TMEM132B: variants seen among roughly 807,000 people sequenced by gnomAD.
TMEM132B encodes transmembrane protein 132B.
Under a neutral mutation model 90.8 loss-of-function variants are expected in TMEM132B, and 18 were observed. The observed-to-expected ratio is 0.20, with a 90% CI of 0.14 to 0.29. The LOEUF (loss-of-function observed/expected upper bound fraction) is 0.29. TMEM132B is among the 10% of genes least tolerant of loss of function. The pLI is 1.00. For missense variants in TMEM132B, 1,096 were observed against 1,326.8 expected (o/e 0.83, Z 2.70); for synonymous variants, 504 against 523.3 (o/e 0.96, Z 0.50).
In TMEM132B at chr12:125,649,868, G is replaced by T. The variant is rs151338172; in HGVS notation, c.1644-815G>T. ...GACAGGTGGAGGTTAGAGGATAACA[G>T]GTGCCAGGGAGAGAGGAAGGGTCAG... On this transcript the variant is annotated intron_variant, in intron 6 of 8. Coordinates refer to ENST00000682704, the MANE Select transcript of TMEM132B (RefSeq NM_001366854.1). Among the ~76,000 whole-genome samples the T allele has an allele frequency of 6.3e-3, 952 of 152,316 alleles. 12 individuals carry two copies. The highest frequency in any genetic ancestry group is 0.022 in the African/African-American group (899 of 41,556).
rs560983374 is a variant in TMEM132B, at chr12:125,238,625, G to A, written c.67+51759G>A. ...TCAATTTTTGAGAAACATTTTGTTC[G>A]GAAAGCTCCGAAGGCCAGAGAAATG... On this transcript the variant is annotated intron_variant, in intron 1 of 8. Coordinates refer to ENST00000682704, the MANE Select transcript of TMEM132B (RefSeq NM_001366854.1). Among the ~76,000 whole-genome samples, 62 of 152,252 alleles carry A rather than the reference G, an allele frequency of 4.1e-4. No individual in the cohort carries two copies. The South Asian group carries it at 1.0e-2, about 24-fold the overall frequency.
At chr12:125,373,969 A>G (rs1191264051) in intron 2 of TMEM132B, among the ~76,000 whole-genome samples, 1 of 151,984 alleles carries the variant, frequency 6.6e-6, no homozygotes, top group African/African-American at 2.4e-5. Context: ...TAATTTTTCT[A>G]TTTTTAGTAG....
intron 4 of TMEM132B, among the ~76,000 whole-genome samples, chr12:125,562,461 G>T (rs988479066): frequency 6.6e-6 from 1 of 152,214 alleles, no homozygotes; most frequent in African/African-American, 2.4e-5. Flanking sequence ...TGGTGCCAAA[G>T]GCCTCTCTTT....
At chr12:125,327,043 CT>C (rs1435503373) in intron 1 of TMEM132B, among the ~76,000 whole-genome samples, 1 of 152,072 alleles carries the variant, frequency 6.6e-6, no homozygotes, top group African/African-American at 2.4e-5. Flanking sequence ...GGCTTGCCCC[CT>C]GCTAGACCTT....
intron 1 of TMEM132B, among the ~76,000 whole-genome samples, chr12:125,193,766 T>G (rs558186860): frequency 1.3e-5 from 2 of 152,210 alleles, no homozygotes; most frequent in African/African-American, 4.8e-5. Context: ...GGCTAAGCAC[T>G]TGGGACACAG....
chr12:125,238,367 AAAAAAAAAACAAAAAAAAAC>A (rs749146200), intron 1 of TMEM132B, among the ~76,000 whole-genome samples: 790 of 71,540 alleles, frequency 0.011, 11 homozygotes, highest in Middle Eastern at 0.039. Context: ...AAAAAAAACC[AAAAAAAAAACAAAAAAAAAC>A]CAAAAAAACA....
chr12:125,421,713 A>G (rs438658), intron 3 of TMEM132B, among the ~76,000 whole-genome samples: 6,151 of 152,328 alleles, frequency 0.04, 423 homozygotes, highest in African/African-American at 0.14. Context: ...GGGAAAGGTC[A>G]TCCTTTTAAT....
At chr12:125,201,975 C>T (rs1873073707) in intron 1 of TMEM132B, among the ~76,000 whole-genome samples, 1 of 152,218 alleles carries the variant, frequency 6.6e-6, no homozygotes, top group Admixed American at 6.5e-5. Flanking sequence ...ACCCTGGTGT[C>T]ACACCCTCAT....
At chr12:125,510,847 A>G (rs1178086733) in intron 3 of TMEM132B, among the ~76,000 whole-genome samples, 1 of 152,208 alleles carries the variant, frequency 6.6e-6, no homozygotes, top group Non-Finnish European at 1.5e-5. Flanking sequence ...GTATTATACC[A>G]TTCATATACA....
chr12:125,583,985 T>C lies in TMEM132B; in HGVS notation c.1428T>C (p.Asp476=), dbSNP rs2136870053. The change falls in exon 5 of 9, where the codon GAT becomes GAC. Residue 476 remains aspartate (D), a synonymous_variant. Coordinates refer to ENST00000682704, the MANE Select transcript of TMEM132B (RefSeq NM_001366854.1). The part of the protein sequence containing the change: ...ESVECKSADE[D]VIKVSNNCDS... Reference sequence around the variant, plus strand: ...TGGAATGCAAGTCTGCCGATGAAGATGTCATTAAGGTAAGGGGGGATTTAT... The same window carrying C: ...TGGAATGCAAGTCTGCCGATGAAGACGTCATTAAGGTAAGGGGGGATTTAT... 4 of 1,614,184 alleles carry C rather than the reference T, an allele frequency of 2.5e-6. No individual in the cohort carries two copies. Among genetic ancestry groups the C allele is most frequent in the Non-Finnish European group, 3.4e-6 (4 of 1,180,030 alleles).
intron 2 of TMEM132B, among the ~76,000 whole-genome samples, chr12:125,411,576 G>A (rs1324038475): frequency 6.6e-6 from 1 of 152,056 alleles, no homozygotes; most frequent in Non-Finnish European, 1.5e-5. Context: ...AACCTCTAGG[G>A]TACGTGTGAG....
At chr12:125,515,539 TCA>T (rs560956277) in intron 3 of TMEM132B, among the ~76,000 whole-genome samples, 6 of 147,092 alleles carry the variant, frequency 4.1e-5, no homozygotes, top group East Asian at 4.2e-4. Flanking sequence ...ATTCTCACGC[TCA>T]CACACATTCA....
chr12:125,378,457 G>GT (rs1174965777), intron 2 of TMEM132B, among the ~76,000 whole-genome samples: 16 of 152,234 alleles, frequency 1.1e-4, no homozygotes, highest in Non-Finnish European at 1.9e-4. Flanking sequence ...GGAGGTAGCT[G>GT]TTCTCTGGGC....
At position 125,566,019 on chromosome 12, in the gene TMEM132B, G is replaced by A. The variant is rs577335191; in HGVS notation, c.1294-17832G>A. 2.0e-5 allele frequency among the ~76,000 whole-genome samples: 3 copies of A among 152,340 alleles called. No homozygotes were observed. In the East Asian group the frequency reaches 5.8e-4, roughly 29 times the overall value. ...TTGTTGGCTCTTCTAGGCAGCAGGA[G>A]TGCTGTGAGGAAGGTTTGAAACCTA... On this transcript the variant is annotated intron_variant, in intron 4 of 8. Transcript: ENST00000682704.
intron 2 of TMEM132B, among the ~76,000 whole-genome samples, chr12:125,392,923 A>G (rs1879067526): frequency 6.6e-6 from 1 of 152,222 alleles, no homozygotes; most frequent in African/African-American, 2.4e-5. Context: ...GGGAGGGTAC[A>G]TCAGACTGAG....
At chr12:125,254,276 G>A (rs920492624) in intron 1 of TMEM132B, among the ~76,000 whole-genome samples, 1 of 151,498 alleles carries the variant, frequency 6.6e-6, no homozygotes, top group Non-Finnish European at 1.5e-5. Flanking sequence ...GTGAGATCTT[G>A]CCTCAAAAAA....
chr12:125,649,621 A>T lies in TMEM132B; in HGVS notation c.1644-1062A>T, dbSNP rs149200552. ...GCGATGGATGTCCGCTCTCATCATT[A>T]TGTAAGCACGTGGAAGAAGACACAC... is the stretch of plus-strand genomic sequence containing the variant. On this transcript the variant is annotated intron_variant, in intron 6 of 8. Coordinates refer to ENST00000682704, the MANE Select transcript of TMEM132B (RefSeq NM_001366854.1). Among the ~76,000 whole-genome samples, 140 of 152,340 alleles carry T rather than the reference A, an allele frequency of 9.2e-4. 1 individual carries two copies. Among genetic ancestry groups the T allele is most frequent in the Non-Finnish European group, 1.4e-3 (97 of 68,026 alleles).
chr12:125,653,717 G>A lies in TMEM132B; in HGVS notation c.2259G>A (p.Val753=). 1.2e-6 allele frequency: 2 copies of A among 1,614,152 alleles called. No individual in the cohort carries two copies. The highest frequency in any genetic ancestry group is 1.7e-6 in the Non-Finnish European group (2 of 1,180,042). Residue 753 remains valine, a synonymous_variant, in exon 9 of 9, where the codon GTG becomes GTA. Coordinates refer to ENST00000682704, the MANE Select transcript of TMEM132B (RefSeq NM_001366854.1). ...ACCTTGAGTCCAAATGGCCAATTGT[G>A]GTTGCAGAGGGTGAAGGACAAGGGC... ...QANLESKWPI[V]VAEGEGQGPL...
At chr12:125,612,267 A>T (rs560119122) in intron 5 of TMEM132B, among the ~76,000 whole-genome samples, 1 of 152,038 alleles carries the variant, frequency 6.6e-6, no homozygotes, top group African/African-American at 2.4e-5. Context: ...CAAGGTCAGG[A>T]GTTTGAGACG....
Sources: allele counts gnomAD v4.1 joint callset (sites outside exome capture counted in the v4.1 genomes callset), GRCh38; gene constraint gnomAD v4.1.1; transcripts MANE v1.5; gene names NCBI Gene and HGNC (gene_info 2026-07-23, HGNC 2026-07-21).